The following NRROS variants were observed in gnomAD, a reference collection of about 807,000 sequenced individuals.
NRROS encodes negative regulator of reactive oxygen species.
NRROS carries 6 observed loss-of-function variants against 12.0 expected under a neutral mutation model. The ratio of observed to expected loss-of-function variants is 0.50; its 90% confidence interval spans 0.27 to 0.98. The LOEUF (loss-of-function observed/expected upper bound fraction) is 0.98, where lower values mean the gene tolerates loss of function less well. NRROS is among the 50% of genes least tolerant of loss of function. The pLI is 0.11. For synonymous variants in NRROS, 462 were observed against 410.2 expected, an observed-to-expected ratio of 1.13 and a Z score of -1.53; for missense variants, 857 against 888.2, an observed-to-expected ratio of 0.96 and a Z score of 0.45.
intron 1 of NRROS, among the ~76,000 whole-genome samples, chr3:196,645,176 A>G (rs1737284690): frequency 6.6e-6 from 1 of 152,188 alleles, no homozygotes; most frequent in Non-Finnish European, 1.5e-5. Flanking sequence ...GCTCCACTCA[A>G]CTTTTAGCTT....
At chr3:196,650,519 A>AC (rs201386069) in intron 1 of NRROS, among the ~76,000 whole-genome samples, 2,478 of 150,862 alleles carry the variant, frequency 0.016, 37 homozygotes, top group South Asian at 0.041. Context: ...AGACCCAGTG[A>AC]CCCCCCACTC....
chr3:196,655,332 C>T (rs371776593), intron 2 of NRROS, among the ~76,000 whole-genome samples: 1 of 150,710 alleles, frequency 6.6e-6, no homozygotes, highest in Admixed American at 6.6e-5. Context: ...GTCAGGAGTT[C>T]GAGACTAGCC....
At chr3:196,658,391 A>G (rs1337039217) in intron 2 of NRROS, among the ~76,000 whole-genome samples, 1 of 152,202 alleles carries the variant, frequency 6.6e-6, no homozygotes, top group African/African-American at 2.4e-5. Context: ...ATGTCAATAC[A>G]GTATCAATGT....
Position 196,661,769 on chromosome 3 carries a change from C to A in NRROS, c.*47C>A. ...GAAATTCGGTCCGCACACAACAGGA[C>A]ACTTTCTCTGCCAGCTTTCAAGATG... On this transcript the variant is annotated 3_prime_UTR_variant, in exon 3 of 3. Coordinates refer to ENST00000328557, the MANE Select transcript of NRROS (RefSeq NM_198565.3). The A allele has an allele frequency of 6.8e-7, 1 of 1,477,344 alleles. No individual in the cohort carries two copies. Among genetic ancestry groups the A allele is most frequent in the Non-Finnish European group, 9.1e-7 (1 of 1,100,818 alleles). The allele number at this position is 1,477,344 out of a possible 1,614,324, so 91.5% of individuals were successfully genotyped here. A position where few individuals can be genotyped will look rare whatever the true frequency, so the allele number is the denominator to read the frequency against.
Position 196,661,275 on chromosome 3 carries a change from G to A in NRROS, c.1632G>A (p.Ser544=), listed in dbSNP as rs773212487. ...GFGNLRDLDL[S]GNCLTTFPRF... is the part of the protein sequence containing the mutation. ...GGAATCTCAGGGACTTAGATCTGTC[G>A]GGGAATTGCTTGACCACCTTCCCAA... The change falls in exon 3 of 3, where the codon TCG becomes TCA. Residue 544 remains serine, a synonymous_variant. Transcript: ENST00000328557. 1.4e-5 allele frequency: 23 copies of A among 1,613,312 alleles called. 1 individual carries two copies. Among genetic ancestry groups the A allele is most frequent in the South Asian group, 5.5e-5 (5 of 90,960 alleles).
At chr3:196,646,512 T>C (rs537324736) in intron 1 of NRROS, among the ~76,000 whole-genome samples, 10 of 152,286 alleles carry the variant, frequency 6.6e-5, no homozygotes, top group African/African-American at 2.4e-4. Context: ...GATGGCAGCC[T>C]GTGGGCATGG....
chr3:196,651,614 A>C (rs1211362375), intron 1 of NRROS, among the ~76,000 whole-genome samples: 3 of 152,220 alleles, frequency 2.0e-5, no homozygotes, highest in East Asian at 3.9e-4. Flanking sequence ...TAAAAATACA[A>C]AAATTAGCCA....
intron 2 of NRROS, among the ~76,000 whole-genome samples, chr3:196,658,838 CAT>C (rs1560055679): frequency 4.6e-4 from 70 of 152,028 alleles, no homozygotes; most frequent in African/African-American, 1.3e-3. Context: ...GGCGTGGTGG[CAT>C]GTGCCTGTAA....
At chr3:196,658,485 G>A (rs1034689718) in intron 2 of NRROS, among the ~76,000 whole-genome samples, 1 of 152,182 alleles carries the variant, frequency 6.6e-6, no homozygotes, top group Admixed American at 6.5e-5. Flanking sequence ...TGGTAGAGCC[G>A]AGATTCAGAT....
Position 196,654,720 on chromosome 3 carries a change from C to T in NRROS, c.108+73C>T, listed in dbSNP as rs1737503094. ...AGGCTTGGTCCATTTGGAAAGCTGA[C>T]AGATTGTCCATCAGGAAGGGCAGAG... On this transcript the variant is annotated intron_variant, in intron 2 of 2. Coordinates refer to ENST00000328557, the MANE Select transcript of NRROS (RefSeq NM_198565.3). This position sits in a 1 kb window ranked among gnomAD's most constrained non-coding sequence, Gnocchi z 4.4. 4 of 928,780 alleles carry T rather than the reference C, an allele frequency of 4.3e-6. No individual in the cohort carries two copies. The highest frequency in any genetic ancestry group is 3.1e-5 in the South Asian group (2 of 64,628). The allele number at this position is 928,780 out of a possible 1,614,324, so 57.5% of individuals were successfully genotyped here. A position where few individuals can be genotyped will look rare whatever the true frequency, so the allele number is the denominator to read the frequency against.
chr3:196,660,219 C>T lies in NRROS; in HGVS notation c.576C>T (p.Tyr192=). 6.2e-7 allele frequency: 1 copy of T among 1,613,570 alleles called. No homozygotes were observed. Among genetic ancestry groups the T allele is most frequent in the South Asian group, 1.1e-5 (1 of 91,088 alleles). ...RLRELDLQRN[Y]IFEIEGGAFD... is the part of the protein sequence containing the mutation. ...GGGAGCTGGATCTGCAGAGGAACTACATCTTCGAGATCGAGGGCGGCGCTT... is the reference window on the plus strand; with the variant it reads ...GGGAGCTGGATCTGCAGAGGAACTATATCTTCGAGATCGAGGGCGGCGCTT... The change falls in exon 3 of 3, where the codon TAC becomes TAT. Residue 192 remains tyrosine (Y), a synonymous_variant. Coordinates refer to ENST00000328557, the MANE Select transcript of NRROS (RefSeq NM_198565.3). The surrounding 1 kb of genome is among the most constrained non-coding windows in gnomAD (Gnocchi z 7.7).
intron 1 of NRROS, among the ~76,000 whole-genome samples, chr3:196,653,936 T>A (rs1737482461): frequency 6.6e-6 from 1 of 152,182 alleles, no homozygotes; most frequent in African/African-American, 2.4e-5. Context: ...TCCCTCCGTG[T>A]TTCCCCCGTC....
chr3:196,646,778 C>T (rs894110546), intron 1 of NRROS, among the ~76,000 whole-genome samples: 7 of 152,194 alleles, frequency 4.6e-5, no homozygotes, highest in African/African-American at 7.2e-5. Context: ...CCACGAGCCC[C>T]GGTACAGCGC....
intron 1 of NRROS, among the ~76,000 whole-genome samples, chr3:196,653,307 C>T (rs1737467210): frequency 6.6e-6 from 1 of 152,228 alleles, no homozygotes; most frequent in Admixed American, 6.5e-5. Context: ...TTTCATTGAG[C>T]TCTTCAATTA....
At position 196,661,071 on chromosome 3, in the gene NRROS, A is replaced by G. The variant is rs561132453; in HGVS notation, c.1428A>G (p.Ala476=). Residue 476 remains alanine (A), a synonymous_variant, in exon 3 of 3, where the codon GCA becomes GCG. Coordinates refer to ENST00000328557, the MANE Select transcript of NRROS (RefSeq NM_198565.3). ...CTCTGGAGGGCTGTGGCCTGGGGGC[A>G]TTGCCAGACTGCCCATTCCAAGGGA... is the stretch of plus-strand genomic sequence containing the variant. The part of the protein sequence containing the change: ...SLSLEGCGLG[A]LPDCPFQGTS... The G allele has an allele frequency of 8.7e-6, 14 of 1,614,130 alleles. No individual in the cohort carries two copies. The highest frequency in any genetic ancestry group is 1.1e-5 in the Non-Finnish European group (13 of 1,180,026).
intron 1 of NRROS, among the ~76,000 whole-genome samples, chr3:196,653,070 G>C (rs1737461263): frequency 2.0e-5 from 3 of 152,198 alleles, no homozygotes; most frequent in Admixed American, 2.0e-4. Flanking sequence ...TCAGGGGCGG[G>C]GAAGGGTGCT....
rs61741938 is a variant in NRROS at position 196,660,094 on chromosome 3, C to A, written c.451C>A (p.Leu151Ile). The A allele has an allele frequency of 5.8e-5, 94 of 1,613,028 alleles. No homozygotes were observed. Among genetic ancestry groups the A allele is most frequent in the Non-Finnish European group, 7.9e-5 (93 of 1,179,982 alleles). The change falls in exon 3 of 3, where the codon CTC (leucine) becomes ATC (isoleucine). Residue 151 changes from leucine to isoleucine, a missense_variant. Transcript: ENST00000328557. The surrounding 1 kb of genome is among the most constrained non-coding windows in gnomAD (Gnocchi z 7.7). Reference sequence around the variant, plus strand: ...CGCCCTGACGGAGGACATGGCAGCCCTCATGCTCCAGAACCTCTCCTCGCT... The same window carrying A: ...CGCCCTGACGGAGGACATGGCAGCCATCATGCTCCAGAACCTCTCCTCGCT... ...GNALTEDMAA[L>I]MLQNLSSLRS...
chr3:196,644,665 TG>T (rs1446462206), intron 1 of NRROS, among the ~76,000 whole-genome samples: 2 of 148,332 alleles, frequency 1.3e-5, no homozygotes, highest in Non-Finnish European at 3.0e-5. Context: ...CCCAGCTACT[TG>T]GGAGGCTGAG....
rs140317279 is a variant in NRROS, at chr3:196,660,809, C to G, written c.1166C>G (p.Ser389Trp). The stretch of plus-strand genomic sequence containing the variant: ...CTGGACCTGAGCCACAACCAGCTGT[C>G]GGAGCTGCACCTGGCTCCGGGGCTG... ...TELDLSHNQL[S>W]ELHLAPGLAS... The change falls in exon 3 of 3, where the codon TCG (serine) becomes TGG (tryptophan). Residue 389 changes from serine to tryptophan, a missense_variant. Transcript: ENST00000328557. The surrounding 1 kb of genome is among the most constrained non-coding windows in gnomAD (Gnocchi z 7.7). 4 of 1,613,552 alleles carry G rather than the reference C, an allele frequency of 2.5e-6. No individual in the cohort carries two copies. The highest frequency in any genetic ancestry group is 1.3e-5 in the African/African-American group (1 of 74,944).
Sources: allele counts gnomAD v4.1 joint callset (sites outside exome capture counted in the v4.1 genomes callset), GRCh38; gene constraint gnomAD v4.1.1; non-coding constraint Gnocchi (gnomAD v3.1); transcripts MANE v1.5; gene names NCBI Gene and HGNC (gene_info 2026-07-23, HGNC 2026-07-21).